Variants in CEP120 observed in about 807,000 individuals in gnomAD.
The protein encoded by CEP120 is centrosomal protein of 120 kDa.
In CEP120, 113 loss-of-function variants were observed where a neutral mutation model predicts 126.5. The observed-to-expected ratio is 0.89, with a 90% CI of 0.77 to 1.04. The LOEUF is 1.04. CEP120 is among the 50% of genes least tolerant of loss of function. The pLI, the probability that CEP120 is intolerant of heterozygous loss-of-function variation, is 0.00. For missense variants in CEP120, 1,230 were observed against 1,155.7 expected, an observed-to-expected ratio of 1.06 and a Z score of -0.93; for synonymous variants, 400 against 394.3, an observed-to-expected ratio of 1.01 and a Z score of -0.17.
intron 5 of CEP120, among the ~76,000 whole-genome samples, chr5:123,393,737 T>A (rs1772564336): frequency 6.6e-6 from 1 of 152,236 alleles, no homozygotes; most frequent in Admixed American, 6.5e-5. Context: ...TTTAAAGTTT[T>A]CATTGCATTC....
At position 123,423,296 on chromosome 5, in the gene CEP120, T is replaced by C. The variant is rs1774844639; in HGVS notation, c.-298A>G. 3 of 429,474 alleles carry C rather than the reference T, an allele frequency of 7.0e-6. No individual in the cohort carries two copies. In the South Asian group the frequency reaches 1.1e-4, roughly 15 times the overall value. The allele number at this position is 429,474 out of a possible 1,614,324, so 26.6% of individuals were successfully genotyped here. A position where few individuals can be genotyped will look rare whatever the true frequency, so the allele number is the denominator to read the frequency against. ...ACCCGAGGACCTTTTGCCGCCTGCG[T>C]AGCCGCTTTTCAAACGCCCGGGCGG... On this transcript the variant is annotated 5_prime_UTR_variant, in exon 1 of 20. Coordinates refer to ENST00000306467, the MANE Select transcript of CEP120 (RefSeq NM_001375405.1).
intron 4 of CEP120, chr5:123,403,393 G>A (rs1773410794): frequency 4.6e-6 from 2 of 432,310 alleles, no homozygotes; most frequent in South Asian, 3.4e-5. Flanking sequence ...ACATTCAAAA[G>A]GAAACAAAAG....
chr5:123,387,467 A>G (rs1434025445), intron 9 of CEP120, among the ~76,000 whole-genome samples: 1 of 152,136 alleles, frequency 6.6e-6, no homozygotes, highest in Non-Finnish European at 1.5e-5. Context: ...CAGATAAGAA[A>G]CTTTTCAAAT....
At chr5:123,403,305 CAGAGT>C in intron 4 of CEP120, 1 of 456,026 alleles carries the variant, frequency 2.2e-6, no homozygotes, top group Admixed American at 2.4e-5. Flanking sequence ...AGAGCTGAGA[CAGAGT>C]AAGCACAAGA....
At chr5:123,403,441 T>C (rs1773413634) in intron 4 of CEP120, 2 of 381,762 alleles carry the variant, frequency 5.2e-6, no homozygotes, top group Non-Finnish European at 1.0e-5. Flanking sequence ...GACAAACAAT[T>C]AAGCGTAGTT....
intron 11 of CEP120, among the ~76,000 whole-genome samples, chr5:123,383,850 A>T (rs1290712752): frequency 6.6e-6 from 1 of 152,176 alleles, no homozygotes; most frequent in Non-Finnish European, 1.5e-5. Flanking sequence ...ATACAAAACC[A>T]TGGTTTTGTC....
intron 13 of CEP120, 33 bp downstream of exon 13, chr5:123,382,704 G>C (rs766640062): frequency 1.3e-6 from 2 of 1,584,942 alleles, no homozygotes; most frequent in South Asian, 1.1e-5. Context: ...AGCAGACAAA[G>C]CAGATTTTTT....
chr5:123,347,977 A>C (rs7725869), intron 19 of CEP120, among the ~76,000 whole-genome samples: 61,341 of 151,904 alleles, frequency 0.4, 12,527 homozygotes, highest in East Asian at 0.48. Context: ...GATTTCCCTT[A>C]AAGTGTGTTG....
chr5:123,384,567 AAC>A (rs1771894184), intron 11 of CEP120, among the ~76,000 whole-genome samples: 1 of 152,120 alleles, frequency 6.6e-6, no homozygotes, highest in Non-Finnish European at 1.5e-5. Flanking sequence ...TAAGTGGAAA[AAC>A]AGTCTTAGCC....
At chr5:123,382,062 T>C (rs553196608) in intron 14 of CEP120, 49 bp downstream of exon 14, 6 of 1,234,844 alleles carry the variant, frequency 4.9e-6, no homozygotes, top group African/African-American at 3.0e-5. Flanking sequence ...TACAAGATAT[T>C]ATCATTAATA....
intron 18 of CEP120, among the ~76,000 whole-genome samples, chr5:123,352,717 CT>C: frequency 6.6e-6 from 1 of 151,930 alleles, no homozygotes. Context: ...TAAAAAAAAC[CT>C]GCTGAGATTT....
Position 123,346,699 on chromosome 5 carries a change from T to A in CEP120, c.2781A>T (p.Gly927=), listed in dbSNP as rs200172929. The stretch of plus-strand genomic sequence containing the variant: ...CACTGCCATGGGGGCCATCCTTTTT[T>A]CCACTTGCAATCTCTGTGGAATCCT... ...QYQDSTEIAS[G]KKDGPHGSVL... Residue 927 remains glycine, a synonymous_variant, in exon 20 of 20, where the codon GGA becomes GGT. Transcript: ENST00000306467. 148 of 1,613,350 alleles carry A rather than the reference T, an allele frequency of 9.2e-5. No individual in the cohort carries two copies. Among genetic ancestry groups the A allele is most frequent in the Non-Finnish European group, 8.8e-5 (104 of 1,179,852 alleles).
chr5:123,407,602 G>T (rs1409246429), intron 4 of CEP120, among the ~76,000 whole-genome samples: 4 of 152,200 alleles, frequency 2.6e-5, no homozygotes, highest in Non-Finnish European at 5.9e-5. Flanking sequence ...TAACAGAGCT[G>T]CAAGGAGAAA....
chr5:123,401,209 T>C, intron 4 of CEP120: 1 of 1,612,818 alleles, frequency 6.2e-7, no homozygotes, highest in South Asian at 1.1e-5. Flanking sequence ...AGCCTGACGT[T>C]CATCAGCTCC....
chr5:123,378,254 G>T, intron 15 of CEP120, 82 bp downstream of exon 15: 3 of 1,014,060 alleles, frequency 3.0e-6, no homozygotes, highest in Non-Finnish European at 4.3e-6. Context: ...GGACTCTTTT[G>T]CATCTAACTT....
chr5:123,389,799 C>CT lies in CEP120; in HGVS notation c.1255+124dup, dbSNP rs374008230. 7.0e-4 allele frequency: 567 copies of CT among 811,212 alleles called. 5 individuals carry two copies. In the African/African-American group the frequency reaches 8.6e-3, roughly 12 times the overall value. 50.3% of individuals were successfully genotyped at this position (811,212 alleles called of 1,614,324 possible). On this transcript the variant is annotated intron_variant, in intron 8 of 19. Transcript: ENST00000306467. ...ACAGGCGTGAGCCACCGTGCCCAGCCTTATTGGTTCTTAACAAACCCACAA... is the reference window on the plus strand; with the variant it reads ...ACAGGCGTGAGCCACCGTGCCCAGCCTTTATTGGTTCTTAACAAACCCACAA...
intron 17 of CEP120, among the ~76,000 whole-genome samples, chr5:123,367,044 G>A (rs926605146): frequency 7.3e-5 from 11 of 151,676 alleles, no homozygotes; most frequent in African/African-American, 2.4e-4. Context: ...GATTCCGAAC[G>A]CCAAATGGTT....
rs975895887 is a variant in CEP120, at chr5:123,358,601, G to C, written c.2580+5895C>G. On this transcript the variant is annotated intron_variant, in intron 18 of 19. Coordinates refer to ENST00000306467, the MANE Select transcript of CEP120 (RefSeq NM_001375405.1). ...ATTAGCTTTAGATTACTCTATAAAAGTAAGTTTTTGATAAATTTTAACATT... is the reference window on the plus strand; with the variant it reads ...ATTAGCTTTAGATTACTCTATAAAACTAAGTTTTTGATAAATTTTAACATT... 3.3e-5 allele frequency among the ~76,000 whole-genome samples: 5 copies of C among 152,114 alleles called. No homozygotes were observed. In the South Asian group the frequency reaches 8.3e-4, roughly 25 times the overall value.
At chr5:123,349,363 C>T (rs1769046536) in intron 19 of CEP120, among the ~76,000 whole-genome samples, 1 of 151,724 alleles carries the variant, frequency 6.6e-6, no homozygotes, top group African/African-American at 2.4e-5. Context: ...AAAAAAGGGC[C>T]GGGCAATATA....
Sources: gnomAD v4.1 joint callset for allele counts (sites outside exome capture counted in the v4.1 genomes callset) on GRCh38, gnomAD v4.1.1 for gene constraint, MANE v1.5 for transcripts, NCBI Gene and HGNC (gene_info 2026-07-23, HGNC 2026-07-21) for gene names.